The following ZMAT3 variants were observed in gnomAD, a reference collection of about 807,000 sequenced individuals.
The protein encoded by ZMAT3 is zinc finger matrin-type 3.
Under a neutral mutation model 32.3 loss-of-function variants are expected in ZMAT3, and 17 were observed. That is an observed-to-expected ratio of 0.53 (90% CI 0.36 to 0.79). The LOEUF (loss-of-function observed/expected upper bound fraction) is 0.79. Among genes scored for constraint, ZMAT3 ranks in the 30% least tolerant of loss-of-function variants. ZMAT3 has a pLI of 0.00. For missense variants in ZMAT3, 329 were observed against 359.7 expected (o/e 0.91, Z 0.69); for synonymous variants, 120 against 133.1 (o/e 0.90, Z 0.68).
intron 2 of ZMAT3, among the ~76,000 whole-genome samples, chr3:179,048,114 A>G (rs993106376): frequency 6.6e-6 from 1 of 152,230 alleles, no homozygotes; most frequent in African/African-American, 2.4e-5. Flanking sequence ...AAGACAAAGA[A>G]AAAAGAATTT....
Position 179,018,561 on chromosome 3 carries a change from T to C in ZMAT3, c.*6456A>G, listed in dbSNP as rs1718387845. 1 of 152,048 alleles carries C rather than the reference T, an allele frequency of 6.6e-6. No homozygotes were observed. Among genetic ancestry groups the C allele is most frequent in the African/African-American group, 2.4e-5 (1 of 41,428 alleles). The allele number at this position is 152,048 out of a possible 1,614,324, so 9.4% of individuals were successfully genotyped here. On this transcript the variant is annotated 3_prime_UTR_variant, in exon 6 of 6. Coordinates refer to ENST00000311417, the MANE Select transcript of ZMAT3 (RefSeq NM_022470.4). ...TATCAAACACACACAAGAATATGAA[T>C]CTGGAACATTTCAATTCTGATTCAA... is the stretch of plus-strand genomic sequence containing the variant.
At chr3:179,049,084 TA>T (rs1316911350) in intron 2 of ZMAT3, among the ~76,000 whole-genome samples, 10 of 152,092 alleles carry the variant, frequency 6.6e-5, no homozygotes, top group Admixed American at 2.6e-4. Flanking sequence ...AAGAGGGACA[TA>T]ATACAATAAT....
chr3:179,053,775 C>T (rs1720693497), intron 2 of ZMAT3, among the ~76,000 whole-genome samples: 1 of 152,118 alleles, frequency 6.6e-6, no homozygotes, highest in Non-Finnish European at 1.5e-5. Flanking sequence ...AAATTTGGGA[C>T]ATTCTACAAA....
rs756004871 is a variant in ZMAT3, at chr3:179,027,795, T to C, written c.408A>G (p.Pro136=). ...CCGTGGCCAGGATCACTCGGCCTCCTGGCTTAAAGGAGCCCATCTGACATC... is the reference window on the plus strand; with the variant it reads ...CCGTGGCCAGGATCACTCGGCCTCCCGGCTTAAAGGAGCCCATCTGACATC... ...PVPPQMGSFK[P]GGRVILATEN... Residue 136 remains proline (P), a synonymous_variant, in exon 4 of 6, where the codon CCA becomes CCG. Coordinates refer to ENST00000311417, the MANE Select transcript of ZMAT3 (RefSeq NM_022470.4). The C allele has an allele frequency of 6.2e-7, 1 of 1,612,180 alleles. No individual in the cohort carries two copies. Among genetic ancestry groups the C allele is most frequent in the Non-Finnish European group, 8.5e-7 (1 of 1,179,640 alleles).
At chr3:179,042,240 C>T (rs6767991) in intron 2 of ZMAT3, among the ~76,000 whole-genome samples, 93,000 of 152,014 alleles carry the variant, frequency 0.61, 28,615 homozygotes, top group East Asian at 0.8. Context: ...AACATCATCC[C>T]GACACCAAAG....
At chr3:179,037,507 C>T (rs142606446) in intron 2 of ZMAT3, among the ~76,000 whole-genome samples, 3 of 152,174 alleles carry the variant, frequency 2.0e-5, no homozygotes, top group Non-Finnish European at 4.4e-5. Context: ...AGGCACAAGC[C>T]GAGCACAGCC....
In ZMAT3 at chr3:179,027,636, C is replaced by G; in HGVS notation, c.557+10G>C. 1 of 1,613,958 alleles carries G rather than the reference C, an allele frequency of 6.2e-7. No homozygotes were observed. Among genetic ancestry groups the G allele is most frequent in the Non-Finnish European group, 8.5e-7 (1 of 1,179,928 alleles). On this transcript the variant is annotated intron_variant, in intron 4 of 5. Coordinates refer to ENST00000311417, the MANE Select transcript of ZMAT3 (RefSeq NM_022470.4). ...AACACTTTGGCCTCAGAGAAAATGG[C>G]AATACCTACGAGAATGAGTTACTCT...
intron 1 of ZMAT3, 78 bp downstream of exon 1, chr3:179,071,517 T>A (rs1397059849): frequency 6.6e-6 from 1 of 152,162 alleles, no homozygotes; most frequent in Non-Finnish European, 1.5e-5. Flanking sequence ...GGAAAGAGCA[T>A]CGGAAAGGAA....
intron 3 of ZMAT3, among the ~76,000 whole-genome samples, chr3:179,028,622 T>TG (rs1263589916): frequency 6.6e-6 from 1 of 152,234 alleles, no homozygotes; most frequent in African/African-American, 2.4e-5. Flanking sequence ...CAGCCCCCAC[T>TG]GGGGGTAGCT....
intron 5 of ZMAT3, 105 bp downstream of exon 5, chr3:179,027,314 CACTG>C (rs1169166222): frequency 7.5e-6 from 7 of 938,458 alleles, no homozygotes; most frequent in Non-Finnish European, 1.1e-5. Context: ...TTCAATAAAA[CACTG>C]ACTAACTCCA....
chr3:179,030,871 A>G lies in ZMAT3; in HGVS notation c.390+9T>C, dbSNP rs1719144236. On this transcript the variant is annotated intron_variant, in intron 3 of 5. Transcript: ENST00000311417. ...CTAATGCTGCTTCACCCTGACACAC[A>G]TGTCTCACCTGCGGAGGGACTGGAA... 1 of 1,591,610 alleles carries G rather than the reference A, an allele frequency of 6.3e-7. No individual in the cohort carries two copies. Among genetic ancestry groups the G allele is most frequent in the Non-Finnish European group, 8.5e-7 (1 of 1,176,518 alleles).
At position 179,025,047 on chromosome 3, in the gene ZMAT3, C is replaced by G; in HGVS notation, c.840G>C (p.Arg280Ser). The G allele has an allele frequency of 6.2e-7, 1 of 1,614,220 alleles. No individual in the cohort carries two copies. Among genetic ancestry groups the G allele is most frequent in the South Asian group, 1.1e-5 (1 of 91,082 alleles). Residue 280 changes from arginine (R) to serine (S), a missense_variant, in exon 6 of 6, where the codon AGG (arginine) becomes AGC (serine). Physicochemically the swap from Arg to Ser is moderately radical, Grantham distance 110 (BLOSUM62 -1). Coordinates refer to ENST00000311417, the MANE Select transcript of ZMAT3 (RefSeq NM_022470.4). ...HKSKVSEQRY[R>S]NEMENLGYV ...CATATCCCAGATTCTCCATCTCATTCCTGTACCGCTGTTCAGACACCTTGC... is the reference window on the plus strand; with the variant it reads ...CATATCCCAGATTCTCCATCTCATTGCTGTACCGCTGTTCAGACACCTTGC...
intron 5 of ZMAT3, among the ~76,000 whole-genome samples, chr3:179,025,760 T>C (rs1210562783): frequency 1.3e-5 from 2 of 152,192 alleles, no homozygotes; most frequent in Non-Finnish European, 2.9e-5. Context: ...CTAAATATAA[T>C]AATGCTATAG....
chr3:179,028,888 G>A (rs965857852), intron 3 of ZMAT3, among the ~76,000 whole-genome samples: 8 of 152,160 alleles, frequency 5.3e-5, no homozygotes, highest in Admixed American at 2.0e-4. Flanking sequence ...GGCTGGACAC[G>A]GTGGCTCATG....
chr3:179,029,976 A>G (rs904672017), intron 3 of ZMAT3, among the ~76,000 whole-genome samples: 1 of 152,158 alleles, frequency 6.6e-6, no homozygotes, highest in Non-Finnish European at 1.5e-5. Context: ...TATGTACTCT[A>G]TTATAACTAT....
chr3:179,033,165 G>T (rs1719381781), intron 2 of ZMAT3, among the ~76,000 whole-genome samples: 1 of 152,222 alleles, frequency 6.6e-6, no homozygotes, highest in Admixed American at 6.5e-5. Flanking sequence ...GCCTTGGGCT[G>T]CTGTTAATCT....
At position 179,020,239 on chromosome 3, in the gene ZMAT3, TG is replaced by T. The variant is rs1718477016; in HGVS notation, c.*4777del. On this transcript the variant is annotated 3_prime_UTR_variant, in exon 6 of 6. Coordinates refer to ENST00000311417, the MANE Select transcript of ZMAT3 (RefSeq NM_022470.4). ...TGGGCTTAACGGAGACAAGGTCACA[TG>T]GGACCATAAGCCAGTACGTTTTTTG... The T allele has an allele frequency of 6.6e-6, 1 of 152,162 alleles. No homozygotes were observed. Among genetic ancestry groups the T allele is most frequent in the Non-Finnish European group, 1.5e-5 (1 of 68,024 alleles). 9.4% of individuals were successfully genotyped at this position (152,162 alleles called of 1,614,324 possible).
At chr3:179,031,890 A>C in intron 2 of ZMAT3, among the ~76,000 whole-genome samples, 1 of 144,456 alleles carries the variant, frequency 6.9e-6, no homozygotes, top group Non-Finnish European at 1.5e-5. Flanking sequence ...CTGGGTGACA[A>C]AGTTAGATTC....
intron 2 of ZMAT3, among the ~76,000 whole-genome samples, chr3:179,050,053 G>A (rs1720467909): frequency 1.5e-5 from 2 of 135,972 alleles, no homozygotes; most frequent in South Asian, 4.7e-4. Context: ...ACAATGTAAG[G>A]TCACACCTCA....
Sources: allele counts gnomAD v4.1 joint callset (sites outside exome capture counted in the v4.1 genomes callset), GRCh38; gene constraint gnomAD v4.1.1; transcripts MANE v1.5; gene names NCBI Gene and HGNC (gene_info 2026-07-23, HGNC 2026-07-21).